NASP: variants seen among roughly 807,000 people sequenced by gnomAD.
NASP encodes the protein nuclear autoantigenic sperm protein.
Under a neutral mutation model 89.5 loss-of-function variants are expected in NASP, and 24 were observed. The observed-to-expected ratio is 0.27, with a 90% confidence interval of 0.19 to 0.38. NASP has a LOEUF of 0.38. NASP is among the 10% of genes least tolerant of loss of function. NASP has a pLI of 1.00. For missense variants in NASP, 848 were observed against 921.4 expected (o/e 0.92, Z 1.03); for synonymous variants, 306 against 324.7 (o/e 0.94, Z 0.62).
intron 1 of NASP, among the ~76,000 whole-genome samples, chr1:45,586,239 CGTGTGTGTGTGTGTGT>C (rs537983711): frequency 0.047 from 5,166 of 110,220 alleles, 138 homozygotes; most frequent in Middle Eastern, 0.081. Context: ...CCTACCGTGC[CGTGTGTGTGTGTGTGT>C]GTGTGTGTGT....
chr1:45,611,854 T>C (rs901017534), intron 6 of NASP: 7 of 143,578 alleles, frequency 4.9e-5, no homozygotes, highest in African/African-American at 1.6e-4. Context: ...TGTTAAAGTA[T>C]CTTTTTTTTT....
chr1:45,604,397 G>A (rs1426063385), intron 3 of NASP, among the ~76,000 whole-genome samples: 1 of 152,148 alleles, frequency 6.6e-6, no homozygotes, highest in Non-Finnish European at 1.5e-5. Flanking sequence ...AACTCATTTA[G>A]TTCTTGCAAT....
Position 45,615,283 on chromosome 1 carries a change from CTA to C in NASP, c.1856-21_1856-20del, listed in dbSNP as rs770182909. 8.7e-6 allele frequency: 14 copies of C among 1,612,180 alleles called. No homozygotes were observed. In the Admixed American group the frequency reaches 2.3e-4, roughly 27 times the overall value. On this transcript the variant is annotated intron_variant, in intron 10 of 14. Coordinates refer to ENST00000350030, the MANE Select transcript of NASP (RefSeq NM_002482.4). ...AAAACAGTTCTTTTTTGAGCCATTA[CTA>C]ATCACTTTATTCTTTTTAGCTGTAC...
chr1:45,601,232 A>G (rs1302668381), intron 2 of NASP, among the ~76,000 whole-genome samples: 2 of 152,160 alleles, frequency 1.3e-5, no homozygotes, highest in African/African-American at 2.4e-5. Flanking sequence ...TTCATATTCA[A>G]GAAGTCTTTG....
At chr1:45,584,654 G>A (rs1644502108) in intron 1 of NASP, among the ~76,000 whole-genome samples, 2 of 137,788 alleles carry the variant, frequency 1.5e-5, no homozygotes, top group Admixed American at 7.6e-5. Context: ...CTTGCACGAG[G>A]AAGGAGGCTG....
chr1:45,587,260 A>G (rs962827835), intron 1 of NASP, among the ~76,000 whole-genome samples: 4 of 151,442 alleles, frequency 2.6e-5, no homozygotes, highest in Admixed American at 6.6e-5. Context: ...ATCTCTGCTC[A>G]CTGCAACCTC....
chr1:45,616,464 A>C, intron 12 of NASP, 71 bp downstream of exon 12: 1 of 1,559,606 alleles, frequency 6.4e-7, no homozygotes. Flanking sequence ...TAATCCCAGC[A>C]TTTTGGGAGG....
At chr1:45,616,779 C>T (rs1644113517) in intron 13 of NASP, 76 bp downstream of exon 13, 1 of 1,354,484 alleles carries the variant, frequency 7.4e-7, no homozygotes, top group Admixed American at 1.7e-5. Context: ...TAAACCCCTC[C>T]CTATAGTTGG....
At chr1:45,585,443 G>C (rs931260873) in intron 1 of NASP, among the ~76,000 whole-genome samples, 2 of 152,078 alleles carry the variant, frequency 1.3e-5, no homozygotes, top group Non-Finnish European at 2.9e-5. Flanking sequence ...CTGCGTTCTT[G>C]TAGAGCAGTG....
Position 45,594,735 on chromosome 1 carries a change from ATCT to A in NASP, c.107+3469_107+3471del, listed in dbSNP as rs568511254. On this transcript the variant is annotated intron_variant, in intron 2 of 14. Coordinates refer to ENST00000350030, the MANE Select transcript of NASP (RefSeq NM_002482.4). ...CGTTGCCCAGGCTGGGGCTCAAGCC[ATCT>A]TCTCACCTCAGCCACCTGAAGTGCT... 1.3e-3 allele frequency: 612 copies of A among 455,678 alleles called. 11 individuals are homozygous for A. Among genetic ancestry groups the A allele is most frequent in the South Asian group, 9.3e-3 (600 of 64,508 alleles). The allele number at this position is 455,678 out of a possible 1,614,324, so 28.2% of individuals were successfully genotyped here.
At chr1:45,590,549 C>CAAAAA (rs1036511604) in intron 1 of NASP, among the ~76,000 whole-genome samples, 5 of 58,882 alleles carry the variant, frequency 8.5e-5, no homozygotes, top group Admixed American at 1.7e-4. Flanking sequence ...GACTCTGTCT[C>CAAAAA]AAAAAAAAAA....
rs1553169239 is a variant in NASP at position 45,587,661 on chromosome 1, C to CATATATATATATATATATATATATAT, written c.59+3458_59+3483dup. On this transcript the variant is annotated intron_variant, in intron 1 of 14. Transcript: ENST00000350030. ...CTATGAGGTTTGTCTTGAGTTTTTT[C>CATATATATATATATATATATATATAT]ATATATATATATATATATATATATA... 1.3e-3 allele frequency among the ~76,000 whole-genome samples: 8 copies of CATATATATATATATATATATATATAT among 6,382 alleles called. 1 individual carries two copies. The highest frequency in any genetic ancestry group is 3.6e-3 in the African/African-American group (5 of 1,374). The allele number at this position is 6,382 out of a possible 152,430, so 4.2% of individuals were successfully genotyped here.
At chr1:45,596,978 G>A (rs527529790) in intron 2 of NASP, among the ~76,000 whole-genome samples, 1 of 150,570 alleles carries the variant, frequency 6.6e-6, no homozygotes, top group African/African-American at 2.4e-5. Flanking sequence ...GTGAGACGCT[G>A]TCTCAAAAAA....
At chr1:45,610,836 C>T (rs1643996107) in intron 6 of NASP, 1 of 152,390 alleles carries the variant, frequency 6.6e-6, no homozygotes, top group Non-Finnish European at 1.5e-5. Context: ...CTACGTCAGC[C>T]TCCTGAGTAG....
rs780739577 is a variant in NASP, at chr1:45,591,221, A to G, written c.60-2A>G. 6.6e-7 allele frequency: 1 copy of G among 1,521,002 alleles called. No homozygotes were observed. Among genetic ancestry groups the G allele is most frequent in the East Asian group, 2.4e-5 (1 of 41,610 alleles). 94.2% of individuals were successfully genotyped at this position (1,521,002 alleles called of 1,614,324 possible). A position where few individuals can be genotyped will look rare whatever the true frequency, so the allele number is the denominator to read the frequency against. ...TTTTTCCCCTTTAATTTTTTATTAC[A>G]GAATTGAAGATGTTCCTGCTCCTTC... On this transcript the variant is annotated splice_acceptor_variant, in intron 1 of 14. Coordinates refer to ENST00000350030, the MANE Select transcript of NASP (RefSeq NM_002482.4). LOFTEE classifies it high-confidence loss of function.
intron 4 of NASP, among the ~76,000 whole-genome samples, chr1:45,606,126 C>T (rs1056483588): frequency 2.0e-5 from 3 of 152,062 alleles, no homozygotes; most frequent in Non-Finnish European, 2.9e-5. Flanking sequence ...CATGATTTGC[C>T]GTGAAAATCT....
At chr1:45,616,252 T>G (rs1644103320) in intron 11 of NASP, 85 bp from the exon 12 acceptor site, 3 of 1,255,254 alleles carry the variant, frequency 2.4e-6, no homozygotes. Flanking sequence ...AGTCAGTTGT[T>G]TGGATGGTGA....
In NASP at chr1:45,616,669, G is replaced by A; in HGVS notation, c.2123G>A (p.Cys708Tyr). The A allele has an allele frequency of 1.2e-6, 2 of 1,614,112 alleles. No individual in the cohort carries two copies. Among genetic ancestry groups the A allele is most frequent in the Non-Finnish European group, 1.7e-6 (2 of 1,179,974 alleles). ...KPTDGASSSN[C>Y]VTDISHLVRK... The stretch of plus-strand genomic sequence containing the variant: ...ACAGACGGTGCTTCCTCATCAAATT[G>A]TGTGACTGATATTTCCCACCTTGTC... Residue 708 changes from cysteine to tyrosine, a missense_variant, in exon 13 of 15, where the codon TGT becomes TAT. Cys to Tyr is a radical substitution (Grantham distance 194). Transcript: ENST00000350030.
In NASP at chr1:45,591,280, T is replaced by C; in HGVS notation, c.107+10T>C. ...CAGATAAAGTGGAGAGGTAAGATTA[T>C]TTACATGGTAGTTAGATTCGTATCA... On this transcript the variant is annotated intron_variant, in intron 2 of 14. Coordinates refer to ENST00000350030, the MANE Select transcript of NASP (RefSeq NM_002482.4). 1 of 1,494,442 alleles carries C rather than the reference T, an allele frequency of 6.7e-7. No homozygotes were observed. The highest frequency in any genetic ancestry group is 1.3e-5 in the South Asian group (1 of 77,994). The allele number at this position is 1,494,442 out of a possible 1,614,324, so 92.6% of individuals were successfully genotyped here.
Sources: allele counts gnomAD v4.1 joint callset (sites outside exome capture counted in the v4.1 genomes callset), GRCh38; gene constraint gnomAD v4.1.1; transcripts MANE v1.5; gene names NCBI Gene and HGNC (gene_info 2026-07-23, HGNC 2026-07-21).